SEMA5A: variants seen among roughly 807,000 people sequenced by gnomAD.
SEMA5A encodes semaphorin 5A, also known as semaphorin-5A.
SEMA5A carries 55 observed loss-of-function variants against 135.5 expected under a neutral mutation model. The ratio of observed to expected loss-of-function variants is 0.41; its 90% CI spans 0.33 to 0.51. SEMA5A has a LOEUF of 0.51. Among genes scored for constraint, SEMA5A ranks in the 20% least tolerant of loss-of-function variants. The pLI is 0.37. For missense variants in SEMA5A, 1,290 were observed against 1,419.9 expected (o/e 0.91, Z 1.47); for synonymous variants, 580 against 546.5 (o/e 1.06, Z -0.85).
chr5:9,490,132 A>G (rs1734928362), intron 1 of SEMA5A, among the ~76,000 whole-genome samples: 1 of 152,210 alleles, frequency 6.6e-6, no homozygotes, highest in South Asian at 2.1e-4. Flanking sequence ...TCATCAAAAT[A>G]AAAGCATTTA....
At chr5:9,320,664 G>T (rs1435378436) in intron 4 of SEMA5A, among the ~76,000 whole-genome samples, 3 of 152,222 alleles carry the variant, frequency 2.0e-5, no homozygotes, top group African/African-American at 7.2e-5. Context: ...GCTCCAGTGA[G>T]CCACGATCCT....
At chr5:9,326,994 C>T (rs7713998) in intron 4 of SEMA5A, among the ~76,000 whole-genome samples, 3 of 152,002 alleles carry the variant, frequency 2.0e-5, no homozygotes, top group Non-Finnish European at 2.9e-5. Flanking sequence ...TTATGCTGGT[C>T]GACTCTAAGT....
intron 12 of SEMA5A, among the ~76,000 whole-genome samples, chr5:9,146,948 C>T (rs757426027): frequency 5.3e-5 from 8 of 152,078 alleles, no homozygotes; most frequent in Non-Finnish European, 8.8e-5. Flanking sequence ...GTCAAAATGT[C>T]CTCCTGAATG....
intron 5 of SEMA5A, among the ~76,000 whole-genome samples, chr5:9,259,799 C>A (rs1263419747): frequency 2.4e-5 from 2 of 84,146 alleles, no homozygotes; most frequent in African/African-American, 9.2e-5. Flanking sequence ...AGGAAAGATC[C>A]AAAATTGACA....
chr5:9,326,230 A>G (rs1413302291), intron 4 of SEMA5A, among the ~76,000 whole-genome samples: 1 of 152,126 alleles, frequency 6.6e-6, no homozygotes, highest in South Asian at 2.1e-4. Flanking sequence ...CACATTTTCA[A>G]TTGCACTGGT....
At chr5:9,337,083 C>T (rs1200575825) in intron 4 of SEMA5A, among the ~76,000 whole-genome samples, 1 of 152,162 alleles carries the variant, frequency 6.6e-6, no homozygotes, top group Admixed American at 6.5e-5. Flanking sequence ...GGATTGTGTT[C>T]CAGTGGCCTC....
At chr5:9,404,976 A>G (rs539369308) in intron 2 of SEMA5A, among the ~76,000 whole-genome samples, 2 of 152,356 alleles carry the variant, frequency 1.3e-5, no homozygotes, top group Admixed American at 6.5e-5. Flanking sequence ...AGCTCTCCAG[A>G]GTATGTTCTC....
Position 9,320,530 on chromosome 5 carries a change from G to A in SEMA5A, c.225-2113C>T, listed in dbSNP as rs1579338940. On this transcript the variant is annotated intron_variant, in intron 4 of 22. Coordinates refer to ENST00000382496, the MANE Select transcript of SEMA5A (RefSeq NM_003966.3). Reference sequence around the variant, plus strand: ...TTCTAGACAGGCCTAGGCAACATAGGGAGACCCTATCTCTACAAAAAAAGA... The same window carrying A: ...TTCTAGACAGGCCTAGGCAACATAGAGAGACCCTATCTCTACAAAAAAAGA... Among the ~76,000 whole-genome samples the A allele has an allele frequency of 2.6e-5, 4 of 152,158 alleles. 1 individual carries two copies. The highest frequency in any genetic ancestry group is 2.6e-4 in the Admixed American group (4 of 15,276).
intron 2 of SEMA5A, among the ~76,000 whole-genome samples, chr5:9,399,861 A>G (rs1407407246): frequency 6.6e-6 from 1 of 152,154 alleles, no homozygotes; most frequent in Non-Finnish European, 1.5e-5. Flanking sequence ...CTCTTTATAT[A>G]GGAAGCTTTC....
intron 3 of SEMA5A, among the ~76,000 whole-genome samples, chr5:9,378,353 A>G (rs1197766780): frequency 6.6e-6 from 1 of 152,254 alleles, no homozygotes; most frequent in African/African-American, 2.4e-5. Context: ...GCAAAATAAT[A>G]AAATGAGAAA....
chr5:9,293,259 C>T lies in SEMA5A; in HGVS notation c.270+25113G>A, dbSNP rs145401189. Among the ~76,000 whole-genome samples, 853 of 152,276 alleles carry T rather than the reference C, an allele frequency of 5.6e-3. 2 individuals are homozygous for T. The highest frequency in any genetic ancestry group is 0.014 in the Middle Eastern group (4 of 294). On this transcript the variant is annotated intron_variant, in intron 5 of 22. Coordinates refer to ENST00000382496, the MANE Select transcript of SEMA5A (RefSeq NM_003966.3). The stretch of plus-strand genomic sequence containing the variant: ...GGCATCTGATATCTTTTTGTCAACA[C>T]GGTTTATAATTTCTAATTTCTTGAA...
At chr5:9,237,985 A>C in intron 5 of SEMA5A, 95 bp from the exon 6 acceptor site, 1 of 1,082,162 alleles carries the variant, frequency 9.2e-7, no homozygotes, top group Non-Finnish European at 1.4e-6. Flanking sequence ...CCAGATTAGG[A>C]AATATGGCTG....
intron 5 of SEMA5A, among the ~76,000 whole-genome samples, chr5:9,285,464 A>G (rs1750751160): frequency 6.6e-6 from 1 of 152,236 alleles, no homozygotes; most frequent in Non-Finnish European, 1.5e-5. Context: ...GGGATTGACA[A>G]GAAACTCTTT....
chr5:9,228,022 G>A (rs2150425400), intron 6 of SEMA5A, among the ~76,000 whole-genome samples: 1 of 152,300 alleles, frequency 6.6e-6, no homozygotes, highest in South Asian at 2.1e-4. Flanking sequence ...AGCAGTGATG[G>A]ACATGTGAGC....
At chr5:9,444,207 T>C (rs966731379) in intron 1 of SEMA5A, among the ~76,000 whole-genome samples, 5 of 152,148 alleles carry the variant, frequency 3.3e-5, no homozygotes, top group Admixed American at 1.3e-4. Context: ...CCAAAGGTTA[T>C]TGGGGAAAAG....
At chr5:9,321,359 G>T (rs897900497) in intron 4 of SEMA5A, among the ~76,000 whole-genome samples, 1 of 152,048 alleles carries the variant, frequency 6.6e-6, no homozygotes, top group East Asian at 1.9e-4. Context: ...TTGTACACCC[G>T]TTGCCTCTAT....
At chr5:9,221,451 C>T (rs1001596340) in intron 8 of SEMA5A, among the ~76,000 whole-genome samples, 14 of 151,374 alleles carry the variant, frequency 9.2e-5, no homozygotes, top group East Asian at 7.8e-4. Context: ...TACAGGCGCC[C>T]ACCACCACGC....
intron 18 of SEMA5A, among the ~76,000 whole-genome samples, chr5:9,054,711 T>C (rs1736793128): frequency 6.6e-6 from 1 of 152,162 alleles, no homozygotes. Flanking sequence ...GGTAAGTAGT[T>C]CAAGTCACGA....
At chr5:9,351,264 T>C (rs2526124) in intron 3 of SEMA5A, among the ~76,000 whole-genome samples, 124,146 of 152,062 alleles carry the variant, frequency 0.82, 52,384 homozygotes, top group Non-Finnish European at 0.93. Flanking sequence ...ACTAGACAAA[T>C]GCCACTCATG....
Sources: allele counts gnomAD v4.1 joint callset (sites outside exome capture counted in the v4.1 genomes callset), GRCh38; gene constraint gnomAD v4.1.1; transcripts MANE v1.5; gene names NCBI Gene and HGNC (gene_info 2026-07-23, HGNC 2026-07-21).